P3H2: variants seen among roughly 807,000 people sequenced by gnomAD.
P3H2 encodes the protein prolyl 3-hydroxylase 2, also known as leprecan-like 1.
A neutral mutation model predicts 87.0 loss-of-function variants in P3H2; 80 were observed. The ratio of observed to expected loss-of-function variants is 0.92; its 90% CI spans 0.77 to 1.11. The LOEUF (loss-of-function observed/expected upper bound fraction) is 1.11, where lower values mean the gene tolerates loss of function less well. Ranked by LOEUF, P3H2 falls within the 50% of genes least tolerant of loss-of-function variation. P3H2 has a pLI of 0.00. For synonymous variants in P3H2, 367 were observed against 359.3 expected (o/e 1.02, Z -0.24); for missense variants, 1,001 against 923.9 (o/e 1.08, Z -1.08).
rs1049385484 is a variant in P3H2 at position 190,025,241 on chromosome 3, G to A, written c.481-29799C>T. Among the ~76,000 whole-genome samples, 5 of 151,552 alleles carry A rather than the reference G, an allele frequency of 3.3e-5. No individual in the cohort carries two copies. The East Asian group carries it at 7.7e-4, about 23-fold the overall frequency. Reference sequence around the variant, plus strand: ...CCAGGAATAATTTCCCTCAGAGACCGTAACTTTTCATCCTTTGTAAGCCAA... The same window carrying A: ...CCAGGAATAATTTCCCTCAGAGACCATAACTTTTCATCCTTTGTAAGCCAA... On this transcript the variant is annotated intron_variant, in intron 1 of 14. Transcript: ENST00000319332.
chr3:190,065,964 A>G (rs540284915), intron 1 of P3H2, among the ~76,000 whole-genome samples: 1 of 152,126 alleles, frequency 6.6e-6, no homozygotes, highest in Admixed American at 6.6e-5. Flanking sequence ...TTGTTGGCCC[A>G]ATGATCATTC....
intron 1 of P3H2, among the ~76,000 whole-genome samples, chr3:190,049,045 G>A (rs1055989127): frequency 3.3e-5 from 5 of 152,134 alleles, no homozygotes; most frequent in African/African-American, 9.7e-5. Context: ...GTAAGGGCAC[G>A]TCCGTGACTC....
rs1333021846 is a variant in P3H2 at position 190,120,763 on chromosome 3, G to T, written c.-32C>A. 2.6e-6 allele frequency: 4 copies of T among 1,512,508 alleles called. No homozygotes were observed. Among genetic ancestry groups the T allele is most frequent in the Non-Finnish European group, 3.5e-6 (4 of 1,137,400 alleles). 93.7% of individuals were successfully genotyped at this position (1,512,508 alleles called of 1,614,324 possible). A position where few individuals can be genotyped will look rare whatever the true frequency, so the allele number is the denominator to read the frequency against. On this transcript the variant is annotated 5_prime_UTR_variant, in exon 1 of 15. Transcript: ENST00000319332. ...CCTCAGAGAGGCGCGGGACGGTTAC[G>T]CTCGAGAGGGCTTCGGGGCACCTCG...
chr3:190,064,618 G>A (rs938166459), intron 1 of P3H2, among the ~76,000 whole-genome samples: 2 of 152,004 alleles, frequency 1.3e-5, no homozygotes, highest in African/African-American at 4.8e-5. Context: ...AGATACTCTG[G>A]AAGTCACCAG....
In P3H2 at chr3:190,008,461, G is replaced by T. The variant is rs112980716; in HGVS notation, c.481-13019C>A. Among the ~76,000 whole-genome samples the T allele has an allele frequency of 8.5e-3, 1,291 of 152,236 alleles. 15 individuals are homozygous for T. The highest frequency in any genetic ancestry group is 0.011 in the Non-Finnish European group (757 of 68,012). Reference sequence around the variant, plus strand: ...GGATTGTGTTTAAATGAAGAGACTGGCTTGAATTGAACCACAGCCTAGAAA... The same window carrying T: ...GGATTGTGTTTAAATGAAGAGACTGTCTTGAATTGAACCACAGCCTAGAAA... On this transcript the variant is annotated intron_variant, in intron 1 of 14. Coordinates refer to ENST00000319332, the MANE Select transcript of P3H2 (RefSeq NM_018192.4).
intron 10 of P3H2, among the ~76,000 whole-genome samples, chr3:189,973,558 G>A (rs1442416990): frequency 5.0e-5 from 6 of 120,882 alleles, no homozygotes; most frequent in South Asian, 2.7e-4. Context: ...TCTCGCTCTC[G>A]CCCAGGCCAG....
At chr3:189,990,153 C>T (rs901803133) in intron 3 of P3H2, among the ~76,000 whole-genome samples, 1 of 151,964 alleles carries the variant, frequency 6.6e-6, no homozygotes, top group Non-Finnish European at 1.5e-5. Flanking sequence ...AGGAAGGAAA[C>T]GTGCATTTTC....
intron 1 of P3H2, among the ~76,000 whole-genome samples, chr3:190,080,273 C>A (rs932641462): frequency 6.6e-6 from 1 of 152,208 alleles, no homozygotes; most frequent in Non-Finnish European, 1.5e-5. Flanking sequence ...GGCACTGAGG[C>A]TACAGAGTAA....
chr3:190,019,980 A>G lies in P3H2; in HGVS notation c.481-24538T>C, dbSNP rs146151358. 4.1e-3 allele frequency among the ~76,000 whole-genome samples: 546 copies of G among 131,848 alleles called. 66 individuals carry two copies. Among genetic ancestry groups the G allele is most frequent in the African/African-American group, 0.014 (521 of 38,146 alleles). The allele number at this position is 131,848 out of a possible 152,430, so 86.5% of individuals were successfully genotyped here. ...AATAATGATGAGAATAAAATTTAAC[A>G]TACCTTACCCCATGAATACAATTCT... On this transcript the variant is annotated intron_variant, in intron 1 of 14. Coordinates refer to ENST00000319332, the MANE Select transcript of P3H2 (RefSeq NM_018192.4).
intron 1 of P3H2, among the ~76,000 whole-genome samples, chr3:190,034,192 AAAGGGATAGTTGAAATAATCAC>A (rs1725341104): frequency 6.7e-6 from 1 of 150,040 alleles, no homozygotes; most frequent in South Asian, 2.2e-4. Context: ...AGGACTAGAT[AAAGGGATAGTTGAAATAATCAC>A]ATATGAATAA....
At chr3:190,045,662 T>C (rs1161341856) in intron 1 of P3H2, among the ~76,000 whole-genome samples, 1 of 152,078 alleles carries the variant, frequency 6.6e-6, no homozygotes, top group Non-Finnish European at 1.5e-5. Context: ...CCATAATGAG[T>C]TGACTTTAAG....
rs528350170 is a variant in P3H2 at position 190,017,359 on chromosome 3, A to G, written c.481-21917T>C. Among the ~76,000 whole-genome samples the G allele has an allele frequency of 2.6e-5, 4 of 152,294 alleles. No homozygotes were observed. The South Asian group carries it at 8.3e-4, about 32-fold the overall frequency. On this transcript the variant is annotated intron_variant, in intron 1 of 14. Transcript: ENST00000319332. ...AAAAAAATAATACTGTTGCTTCCCC[A>G]GTTACAAAAGTTTGGGAATCATCCC...
intron 1 of P3H2, among the ~76,000 whole-genome samples, chr3:189,999,388 C>T (rs1227554152): frequency 2.0e-5 from 3 of 152,152 alleles, no homozygotes; most frequent in African/African-American, 7.2e-5. Flanking sequence ...AATTTGCTGC[C>T]AGGGTCTATA....
In P3H2 at chr3:189,973,896, G is replaced by T. The variant is rs1723262300; in HGVS notation, c.1548+13C>A. ...ACTAAGGAACTCAAACCCAAAAGAA[G>T]TTAAGACTTTACTTTGAGTGCTTTC... On this transcript the variant is annotated intron_variant, in intron 10 of 14. Transcript: ENST00000319332. 1 of 1,598,890 alleles carries T rather than the reference G, an allele frequency of 6.3e-7. No homozygotes were observed. Among genetic ancestry groups the T allele is most frequent in the Non-Finnish European group, 8.6e-7 (1 of 1,166,166 alleles).
rs200007107 is a variant in P3H2 at position 190,079,341 on chromosome 3, A to AAAATAAATAAAT, written c.480+40899_480+40910dup. 7.7e-4 allele frequency among the ~76,000 whole-genome samples: 109 copies of AAAATAAATAAAT among 142,036 alleles called. 1 individual carries two copies. The highest frequency in any genetic ancestry group is 3.1e-3 in the Admixed American group (44 of 14,030). The allele number at this position is 142,036 out of a possible 152,430, so 93.2% of individuals were successfully genotyped here. On this transcript the variant is annotated intron_variant, in intron 1 of 14. Transcript: ENST00000319332. ...GTGACAAAGCAAGACTCTGTCTCAA[A>AAAATAAATAAAT]AAATAAATAAATAAATAAATAAATA...
intron 7 of P3H2, chr3:189,983,348 A>C: frequency 1.8e-6 from 1 of 566,614 alleles, no homozygotes; most frequent in South Asian, 2.3e-5. Context: ...ACTCCTCTAA[A>C]TCTTCTTAGC....
intron 1 of P3H2, among the ~76,000 whole-genome samples, chr3:190,068,005 TAAC>T (rs1438702085): frequency 1.3e-5 from 2 of 152,094 alleles, no homozygotes; most frequent in Non-Finnish European, 2.9e-5. Flanking sequence ...TTTCATATGA[TAAC>T]AATAAAATAT....
chr3:190,058,589 A>G (rs144278341), intron 1 of P3H2, among the ~76,000 whole-genome samples: 2 of 152,286 alleles, frequency 1.3e-5, no homozygotes, highest in African/African-American at 4.8e-5. Context: ...ACATCAACTT[A>G]AAAGGGTAAA....
In P3H2 at chr3:190,086,796, A is replaced by G. The variant is rs116053956; in HGVS notation, c.480+33456T>C. Among the ~76,000 whole-genome samples the G allele has an allele frequency of 4.3e-3, 655 of 152,296 alleles. 7 individuals carry two copies. The highest frequency in any genetic ancestry group is 0.015 in the African/African-American group (633 of 41,568). On this transcript the variant is annotated intron_variant, in intron 1 of 14. Coordinates refer to ENST00000319332, the MANE Select transcript of P3H2 (RefSeq NM_018192.4). The stretch of plus-strand genomic sequence containing the variant: ...CACAAAGCCTCTCAAATATCCAGGC[A>G]TTGTGTTGGAAAGGGGCATTGAGAA...
Sources: allele counts gnomAD v4.1 joint callset (sites outside exome capture counted in the v4.1 genomes callset), GRCh38; gene constraint gnomAD v4.1.1; transcripts MANE v1.5; gene names NCBI Gene and HGNC (gene_info 2026-07-23, HGNC 2026-07-21).